Variants in TMEM74 observed in about 807,000 individuals in gnomAD.
TMEM74 encodes transmembrane protein 74.
A neutral mutation model predicts 18.1 loss-of-function variants in TMEM74; 13 were observed. That is an observed-to-expected ratio of 0.72 (90% CI 0.47 to 1.14). The LOEUF (loss-of-function observed/expected upper bound fraction) is 1.14, where lower values mean the gene tolerates loss of function less well. Among genes scored for constraint, TMEM74 ranks in the 50% most tolerant of loss-of-function variants. The pLI, the probability that TMEM74 is intolerant of heterozygous loss-of-function variation, is 0.00. For missense variants in TMEM74, 372 were observed against 375.9 expected (o/e 0.99, Z 0.09); for synonymous variants, 159 against 146.6 (o/e 1.08, Z -0.61).
intron 1 of TMEM74, among the ~76,000 whole-genome samples, chr8:108,696,806 A>AT (rs2130611777): frequency 6.6e-6 from 1 of 152,328 alleles, no homozygotes; most frequent in African/African-American, 2.4e-5. Context: ...AGCTTTTTGA[A>AT]TGCACAATTT....
chr8:108,688,712 A>G (rs1813196139), intron 1 of TMEM74, among the ~76,000 whole-genome samples: 1 of 152,338 alleles, frequency 6.6e-6, no homozygotes, highest in East Asian at 1.9e-4. Flanking sequence ...GAGCAAAGGA[A>G]ACATAATTTG....
chr8:108,690,935 A>G (rs977600745), intron 1 of TMEM74, among the ~76,000 whole-genome samples: 1 of 152,226 alleles, frequency 6.6e-6, no homozygotes. Flanking sequence ...GGATAGCAGG[A>G]GCTCACAAAG....
chr8:108,618,666 A>G (rs1010662027), intron 2 of TMEM74, among the ~76,000 whole-genome samples: 1 of 152,118 alleles, frequency 6.6e-6, no homozygotes, highest in Non-Finnish European at 1.5e-5. Context: ...TGAAAACACT[A>G]CATATTAGTT....
intron 1 of TMEM74, among the ~76,000 whole-genome samples, chr8:108,684,336 G>T (rs1813146840): frequency 6.6e-6 from 1 of 151,910 alleles, no homozygotes; most frequent in Non-Finnish European, 1.5e-5. Context: ...GTTTTGATTT[G>T]CATTTCTCTG....
intron 1 of TMEM74, among the ~76,000 whole-genome samples, chr8:108,681,768 A>G (rs965705227): frequency 6.6e-6 from 1 of 152,036 alleles, no homozygotes; most frequent in Admixed American, 6.6e-5. Context: ...CACTATAAAC[A>G]TGCCAAATGC....
intron 1 of TMEM74, among the ~76,000 whole-genome samples, chr8:108,657,862 ATATATATATATATATAT>A (rs1812855957): frequency 1.9e-4 from 9 of 48,450 alleles, no homozygotes; most frequent in Non-Finnish European, 2.5e-4. Flanking sequence ...AAAAAAAAAT[ATATATATATATATATAT>A]ATATATATAT....
chr8:108,709,168 C>T (rs1273793535), intron 1 of TMEM74, among the ~76,000 whole-genome samples: 1 of 152,100 alleles, frequency 6.6e-6, no homozygotes, highest in African/African-American at 2.4e-5. Flanking sequence ...TCAGCAATCC[C>T]ACTTCTGTGT....
Position 108,780,664 on chromosome 8 carries a change from G to A in TMEM74, c.*3517C>T, listed in dbSNP as rs1468855474. Among the ~76,000 whole-genome samples, 1 of 152,170 alleles carries A rather than the reference G, an allele frequency of 6.6e-6. No individual in the cohort carries two copies. The stretch of plus-strand genomic sequence containing the variant: ...ACTCATATTTTAAGCAGACAGCAAA[G>A]CATGTGATGATATCAAGGCAAGTAA... On this transcript the variant is annotated 3_prime_UTR_variant, in exon 2 of 2. Coordinates refer to ENST00000297459, the MANE Select transcript of TMEM74 (RefSeq NM_153015.3).
chr8:108,719,701 G>C (rs1278525182), intron 1 of TMEM74, among the ~76,000 whole-genome samples: 3 of 152,102 alleles, frequency 2.0e-5, no homozygotes. Context: ...TGAGAGTGGA[G>C]AGGCTAGTGG....
intron 1 of TMEM74, among the ~76,000 whole-genome samples, chr8:108,726,414 C>G (rs985171371): frequency 6.6e-6 from 1 of 152,066 alleles, no homozygotes; most frequent in Non-Finnish European, 1.5e-5. Flanking sequence ...TTTAAGATTG[C>G]AAAATATTTC....
chr8:108,704,431 A>T (rs1466755703), intron 1 of TMEM74, among the ~76,000 whole-genome samples: 2 of 152,206 alleles, frequency 1.3e-5, no homozygotes, highest in Non-Finnish European at 2.9e-5. Context: ...GCCTCTGTCC[A>T]TGCACTTGTG....
At chr8:108,702,896 G>A (rs368748878) in intron 1 of TMEM74, among the ~76,000 whole-genome samples, 5 of 150,216 alleles carry the variant, frequency 3.3e-5, no homozygotes, top group Admixed American at 1.3e-4. Context: ...AAAAACTCAG[G>A]TAATAAACAG....
intron 1 of TMEM74, among the ~76,000 whole-genome samples, chr8:108,691,083 G>C (rs1392773443): frequency 1.3e-5 from 2 of 152,186 alleles, no homozygotes; most frequent in African/African-American, 4.8e-5. Context: ...CATGGAGGCT[G>C]CTTCTGTTGC....
At chr8:108,657,842 CAAAA>C (rs1157229913) in intron 1 of TMEM74, among the ~76,000 whole-genome samples, 247 of 16,570 alleles carry the variant, frequency 0.015, 1 homozygote, top group Non-Finnish European at 0.015. Context: ...GACACCGTCT[CAAAA>C]AAAAAAAAAA....
At chr8:108,741,317 T>G (rs1450547517) in intron 1 of TMEM74, among the ~76,000 whole-genome samples, 1 of 152,174 alleles carries the variant, frequency 6.6e-6, no homozygotes, top group African/African-American at 2.4e-5. Flanking sequence ...TTAGGTTGAG[T>G]GGTTTAGGTT....
At chr8:108,741,772 G>A (rs752484401) in intron 1 of TMEM74, among the ~76,000 whole-genome samples, 5 of 152,208 alleles carry the variant, frequency 3.3e-5, no homozygotes, top group Non-Finnish European at 5.9e-5. Context: ...AACAGTTAAT[G>A]TCTGTGGAGC....
intron 2 of TMEM74, among the ~76,000 whole-genome samples, chr8:108,646,260 G>A (rs1341453156): frequency 6.6e-6 from 1 of 152,004 alleles, no homozygotes; most frequent in Non-Finnish European, 1.5e-5. Flanking sequence ...TCAGTGTAGT[G>A]CTTGGGTTGA....
chr8:108,767,748 T>C (rs1352712538), intron 1 of TMEM74, among the ~76,000 whole-genome samples: 1 of 152,170 alleles, frequency 6.6e-6, no homozygotes, highest in East Asian at 1.9e-4. Flanking sequence ...TAGTTACTTA[T>C]ATTTTCTTCT....
chr8:108,730,634 C>CTTTTTTTTTTTTTTTT (rs1199122765), intron 1 of TMEM74, among the ~76,000 whole-genome samples: 9 of 132,182 alleles, frequency 6.8e-5, no homozygotes, highest in African/African-American at 2.8e-4. Context: ...TGCAGACTTC[C>CTTTTTTTTTTTTTTTT]TTTTTTTTTT....
Sources: allele counts gnomAD v4.1 joint callset (sites outside exome capture counted in the v4.1 genomes callset), GRCh38; gene constraint gnomAD v4.1.1; transcripts MANE v1.5; gene names NCBI Gene and HGNC (gene_info 2026-07-23, HGNC 2026-07-21).